Variants in GRIN2B observed in about 807,000 individuals in gnomAD.
GRIN2B encodes the protein glutamate receptor ionotropic, NMDA 2B.
GRIN2B carries 5 observed loss-of-function variants against 114.5 expected under a neutral mutation model. The observed-to-expected ratio is 0.04, with a 90% CI of 0.02 to 0.09. The LOEUF (loss-of-function observed/expected upper bound fraction) is 0.09, where lower values mean the gene tolerates loss of function less well. Ranked by LOEUF, GRIN2B falls within the 10% of genes least tolerant of loss-of-function variation. The pLI is 1.00. For synonymous variants in GRIN2B, 787 were observed against 745.1 expected (o/e 1.06, Z -0.92); for missense variants, 1,108 against 1,943.5 (o/e 0.57, Z 8.08).
chr12:13,970,478 T>C (rs1862889254), intron 2 of GRIN2B, among the ~76,000 whole-genome samples: 1 of 152,146 alleles, frequency 6.6e-6, no homozygotes, highest in Non-Finnish European at 1.5e-5. Flanking sequence ...TCAATGCACG[T>C]TCATTTCCAT....
At chr12:13,837,610 A>G (rs1040693104) in intron 3 of GRIN2B, among the ~76,000 whole-genome samples, 15 of 152,194 alleles carry the variant, frequency 9.9e-5, no homozygotes, top group African/African-American at 3.6e-4. Flanking sequence ...AGGTTAAGTC[A>G]TTGCCTAAGT....
intron 4 of GRIN2B, among the ~76,000 whole-genome samples, chr12:13,721,284 G>T (rs372353183): frequency 1.3e-5 from 2 of 151,978 alleles, no homozygotes; most frequent in Non-Finnish European, 2.9e-5. Flanking sequence ...GGCAGGGAAG[G>T]TGTTGGATTT....
Position 13,563,227 on chromosome 12 carries a change from G to A in GRIN2B, c.4011C>T (p.Ala1337=). 1.9e-6 allele frequency: 3 copies of A among 1,614,214 alleles called. No individual in the cohort carries two copies. Among genetic ancestry groups the A allele is most frequent in the Non-Finnish European group, 2.5e-6 (3 of 1,180,036 alleles). ...KGRFMDGSPY[A]HMFEMSAGES... ...CGCCAGCTGACATCTCAAACATGTG[G>A]GCGTAGGGGCTCCCATCCATGAATC... The change falls in exon 14 of 14, where the codon GCC becomes GCT. Residue 1337 remains alanine (A), a synonymous_variant. Transcript: ENST00000609686.
At chr12:13,973,622 T>C (rs1389570895) in intron 2 of GRIN2B, among the ~76,000 whole-genome samples, 1 of 152,144 alleles carries the variant, frequency 6.6e-6, no homozygotes, top group African/African-American at 2.4e-5. Context: ...CTGCTCTGCC[T>C]CTCAAGTCCC....
chr12:13,708,015 C>CTTT (rs397808595), intron 4 of GRIN2B, among the ~76,000 whole-genome samples: 13 of 151,524 alleles, frequency 8.6e-5, no homozygotes, highest in African/African-American at 2.4e-4. Context: ...AGAGTTTGTT[C>CTTT]AAGGAACAGG....
intron 3 of GRIN2B, among the ~76,000 whole-genome samples, chr12:13,854,196 C>T (rs1252562352): frequency 1.3e-5 from 2 of 152,152 alleles, no homozygotes; most frequent in Admixed American, 1.3e-4. Context: ...CACACTTAAA[C>T]ACACACATGC....
chr12:13,928,906 C>G (rs1403730930), intron 2 of GRIN2B, among the ~76,000 whole-genome samples: 1 of 152,090 alleles, frequency 6.6e-6, no homozygotes, highest in Non-Finnish European at 1.5e-5. Flanking sequence ...ACAACAATGG[C>G]TAGTGTTTAC....
chr12:13,677,164 A>T (rs1950082694), intron 4 of GRIN2B, among the ~76,000 whole-genome samples: 2 of 152,190 alleles, frequency 1.3e-5, no homozygotes, highest in African/African-American at 4.8e-5. Flanking sequence ...TTCATATGAC[A>T]TGTTACTCTG....
intron 2 of GRIN2B, among the ~76,000 whole-genome samples, chr12:13,958,529 G>A (rs945323828): frequency 4.6e-5 from 7 of 152,222 alleles, no homozygotes; most frequent in Non-Finnish European, 8.8e-5. Flanking sequence ...CCATAGGTTA[G>A]TACACAATAT....
chr12:13,719,885 C>G (rs1950491603), intron 4 of GRIN2B, among the ~76,000 whole-genome samples: 1 of 152,004 alleles, frequency 6.6e-6, no homozygotes, highest in South Asian at 2.1e-4. Context: ...CTTGCAAATA[C>G]CAAAACTGGT....
At chr12:13,679,815 G>C (rs1022467013) in intron 4 of GRIN2B, among the ~76,000 whole-genome samples, 1 of 152,132 alleles carries the variant, frequency 6.6e-6, no homozygotes, top group Admixed American at 6.6e-5. Context: ...GTCACTTCTA[G>C]ACATGTGATC....
chr12:13,734,171 C>G (rs1249029895), intron 4 of GRIN2B, among the ~76,000 whole-genome samples: 1 of 152,100 alleles, frequency 6.6e-6, no homozygotes, highest in Non-Finnish European at 1.5e-5. Flanking sequence ...AGTAAAATGA[C>G]CGAAATGATA....
At chr12:13,745,375 G>C (rs900664611) in intron 4 of GRIN2B, among the ~76,000 whole-genome samples, 4 of 152,214 alleles carry the variant, frequency 2.6e-5, no homozygotes, top group African/African-American at 9.6e-5. Context: ...CATTAACTGT[G>C]AATTTGCATC....
At chr12:13,618,192 C>A (rs894633011) in intron 5 of GRIN2B, among the ~76,000 whole-genome samples, 1 of 152,136 alleles carries the variant, frequency 6.6e-6, no homozygotes, top group Non-Finnish European at 1.5e-5. Context: ...AAATGGCTCT[C>A]CAGCCAGTGG....
At chr12:13,711,969 G>A (rs1031543958) in intron 4 of GRIN2B, among the ~76,000 whole-genome samples, 8 of 152,048 alleles carry the variant, frequency 5.3e-5, no homozygotes, top group Non-Finnish European at 1.2e-4. Context: ...CAAAGACTTG[G>A]AACCAACCCA....
intron 10 of GRIN2B, among the ~76,000 whole-genome samples, chr12:13,598,920 G>A (rs1949112601): frequency 6.6e-6 from 1 of 152,168 alleles, no homozygotes. Context: ...GAGGACCCGA[G>A]GTCTTGAGCC....
At chr12:13,624,959 C>T (rs1949552571) in intron 5 of GRIN2B, among the ~76,000 whole-genome samples, 1 of 152,180 alleles carries the variant, frequency 6.6e-6, no homozygotes, top group Non-Finnish European at 1.5e-5. Flanking sequence ...GACTCACCTG[C>T]CAGGAATAGA....
At chr12:13,976,708 A>AT (rs11427852) in intron 2 of GRIN2B, among the ~76,000 whole-genome samples, 11,144 of 152,026 alleles carry the variant, frequency 0.073, 475 homozygotes, top group African/African-American at 0.1. Flanking sequence ...AATATTAACA[A>AT]TTTTTTTACT....
At chr12:13,653,277 G>A (rs138211721) in intron 5 of GRIN2B, among the ~76,000 whole-genome samples, 11 of 152,204 alleles carry the variant, frequency 7.2e-5, no homozygotes, top group African/African-American at 2.6e-4. Flanking sequence ...AGAAAATGGG[G>A]CATTAACTTT....
Sources: gnomAD v4.1 joint callset for allele counts (sites outside exome capture counted in the v4.1 genomes callset) on GRCh38, gnomAD v4.1.1 for gene constraint, MANE v1.5 for transcripts, NCBI Gene and HGNC (gene_info 2026-07-23, HGNC 2026-07-21) for gene names.